Variants in TTC17 observed in about 807,000 individuals in gnomAD.
The protein encoded by TTC17 is tetratricopeptide repeat domain 17, also known as tetratricopeptide repeat protein 17.
In TTC17, 58 loss-of-function variants were observed where a neutral mutation model predicts 143.8. The observed-to-expected ratio is 0.40, with a 90% CI of 0.33 to 0.50. The LOEUF is 0.50. Ranked by LOEUF, TTC17 falls within the 20% of genes least tolerant of loss-of-function variation. The pLI, the probability that TTC17 is intolerant of heterozygous loss-of-function variation, is 0.49. For missense variants in TTC17, 1,273 were observed against 1,392.5 expected (o/e 0.91, Z 1.37); for synonymous variants, 501 against 497.8 (o/e 1.01, Z -0.09).
chr11:43,450,576 A>G (rs1005390803), intron 20 of TTC17, among the ~76,000 whole-genome samples: 1 of 152,244 alleles, frequency 6.6e-6, no homozygotes, highest in African/African-American at 2.4e-5. Flanking sequence ...GGGTAAGGAA[A>G]GCAGACCCAA....
At chr11:43,450,281 C>T (rs745485986) in intron 20 of TTC17, 40 bp downstream of exon 20, 3 of 1,589,272 alleles carry the variant, frequency 1.9e-6, no homozygotes, top group East Asian at 4.5e-5. Flanking sequence ...TTTAGCCTCA[C>T]AGTTAGGATG....
intron 18 of TTC17, chr11:43,446,333 A>T (rs574225934): frequency 6.2e-6 from 2 of 321,348 alleles, no homozygotes; most frequent in Admixed American, 1.1e-4. Context: ...CCTCTGTGCA[A>T]TTGTTCTATA....
intron 16 of TTC17, among the ~76,000 whole-genome samples, chr11:43,433,436 T>C (rs1947206631): frequency 6.6e-6 from 1 of 152,222 alleles, no homozygotes; most frequent in Admixed American, 6.5e-5. Flanking sequence ...ACTCTTTTTT[T>C]ATTCCTCCTG....
chr11:43,471,743 G>T lies in TTC17; in HGVS notation c.3031-18496G>T, dbSNP rs534234120. ...TAAAGTAATAATACGTATTTTCAGTGTGTAATAGGTTGAAGATGCAAGTTG... is the reference window on the plus strand; with the variant it reads ...TAAAGTAATAATACGTATTTTCAGTTTGTAATAGGTTGAAGATGCAAGTTG... On this transcript the variant is annotated intron_variant, in intron 21 of 23. Coordinates refer to ENST00000039989, the MANE Select transcript of TTC17 (RefSeq NM_018259.6). 2.5e-4 allele frequency among the ~76,000 whole-genome samples: 38 copies of T among 152,330 alleles called. No homozygotes were observed. The East Asian group carries it at 2.7e-3, about 11-fold the overall frequency.
chr11:43,394,647 G>A (rs1014757893), intron 5 of TTC17, among the ~76,000 whole-genome samples: 1 of 152,152 alleles, frequency 6.6e-6, no homozygotes, highest in Non-Finnish European at 1.5e-5. Flanking sequence ...GAAAATAAGA[G>A]TTCTATTTGG....
intron 2 of TTC17, among the ~76,000 whole-genome samples, chr11:43,388,199 G>A (rs1366913829): frequency 6.6e-6 from 1 of 151,946 alleles, no homozygotes; most frequent in Non-Finnish European, 1.5e-5. Context: ...ACAGGAAAAT[G>A]GATAAATACA....
chr11:43,459,147 C>T (rs1042947215), intron 21 of TTC17, among the ~76,000 whole-genome samples: 4 of 152,112 alleles, frequency 2.6e-5, no homozygotes. Flanking sequence ...TCCACCCCCG[C>T]ACATACAACC....
chr11:43,430,709 G>GCACACACACACACACACACACA (rs10658685), intron 16 of TTC17, among the ~76,000 whole-genome samples: 25 of 138,542 alleles, frequency 1.8e-4, no homozygotes, highest in Non-Finnish European at 2.5e-4. Flanking sequence ...CTACATACAC[G>GCACACACACACACACACACACA]CACACACACA....
rs778908942 is a variant in TTC17 at position 43,492,022 on chromosome 11, T to G, written c.3153T>G (p.Asp1051Glu). 6.2e-7 allele frequency: 1 copy of G among 1,613,564 alleles called. No individual in the cohort carries two copies. Among genetic ancestry groups the G allele is most frequent in the Non-Finnish European group, 8.5e-7 (1 of 1,179,792 alleles). ...ALHYAPHQMK[D>E]VPLISLANIL... is the part of the protein sequence containing the mutation. The stretch of plus-strand genomic sequence containing the variant: ...CACCATTCTCCTTCTTCTCCCAGGA[T>G]GTGCCCCTGATTAGCCTGGCCAACA... Residue 1051 changes from aspartate to glutamate, a missense_variant and splice_region_variant, in exon 23 of 24, where the codon GAT (aspartate) becomes GAG (glutamate). Asp to Glu is a conservative substitution (Grantham distance 45). This residue lies in a region of TTC17 where 878 missense variants were observed against 899.8 expected (regional missense o/e 0.98). Transcript: ENST00000039989.
chr11:43,429,273 G>A (rs1489782026), intron 16 of TTC17, among the ~76,000 whole-genome samples: 1 of 152,200 alleles, frequency 6.6e-6, no homozygotes, highest in African/African-American at 2.4e-5. Context: ...AATGTAAATT[G>A]ATTTGCCCAA....
chr11:43,398,254 G>A (rs1019716260), intron 8 of TTC17, 141 bp downstream of exon 8: 3 of 1,058,518 alleles, frequency 2.8e-6, no homozygotes, highest in East Asian at 2.7e-5. Context: ...TCCTTTTTCT[G>A]TAAGTCCTGG....
chr11:43,404,027 G>A lies in TTC17; in HGVS notation c.1362G>A (p.Met454Ile). 6.2e-7 allele frequency: 1 copy of A among 1,611,118 alleles called. No individual in the cohort carries two copies. The highest frequency in any genetic ancestry group is 1.1e-5 in the South Asian group (1 of 90,600). The change falls in exon 11 of 24, where the codon ATG becomes ATA. Residue 454 changes from methionine (M) to isoleucine (I), a missense_variant. This residue lies in a region of TTC17 where 878 missense variants were observed against 899.8 expected (regional missense o/e 0.98). Coordinates refer to ENST00000039989, the MANE Select transcript of TTC17 (RefSeq NM_018259.6). ...GTGAGGATTCATCAACCTCCAGTAT[G>A]ATGTCTGTGAACTTTGATGTTCAAT... ...QFGEDSSTSS[M>I]MSVNFDVQSN...
At chr11:43,473,899 A>G (rs983131431) in intron 21 of TTC17, among the ~76,000 whole-genome samples, 20 of 150,160 alleles carry the variant, frequency 1.3e-4, no homozygotes, top group Non-Finnish European at 1.8e-4. Flanking sequence ...AAAAAAAAAA[A>G]GAAAGAAAGA....
intron 21 of TTC17, among the ~76,000 whole-genome samples, chr11:43,461,086 G>T (rs935566229): frequency 6.6e-6 from 1 of 152,164 alleles, no homozygotes. Context: ...AAACAGAAAT[G>T]ATAAAAACTA....
chr11:43,438,047 T>C (rs748512784), intron 16 of TTC17, among the ~76,000 whole-genome samples: 10 of 152,240 alleles, frequency 6.6e-5, no homozygotes, highest in Non-Finnish European at 1.5e-4. Flanking sequence ...TTTTATGTCA[T>C]TGTTTATATG....
At chr11:43,406,050 C>G in intron 13 of TTC17, 99 bp downstream of exon 13, 1 of 1,338,064 alleles carries the variant, frequency 7.5e-7, no homozygotes, top group Non-Finnish European at 1.0e-6. Flanking sequence ...AGCTGTTGAG[C>G]TTTAAGTGTA....
chr11:43,490,447 A>C, intron 22 of TTC17, 89 bp downstream of exon 22: 3 of 1,451,026 alleles, frequency 2.1e-6, no homozygotes, highest in Non-Finnish European at 1.8e-6. Context: ...AGCCTCCCTC[A>C]TGCTCAGCCA....
intron 1 of TTC17, among the ~76,000 whole-genome samples, chr11:43,372,204 CTG>C (rs1481885423): frequency 6.6e-6 from 1 of 152,084 alleles, no homozygotes; most frequent in East Asian, 1.9e-4. Context: ...CTAGCAAAAA[CTG>C]TAAATTTACA....
intron 23 of TTC17, 133 bp from the exon 24 acceptor site, chr11:43,493,640 A>G (rs895880117): frequency 5.2e-6 from 7 of 1,358,028 alleles, no homozygotes; most frequent in Non-Finnish European, 7.1e-6. Flanking sequence ...TTTTCCACAA[A>G]GACTTAGATC....
Sources: gnomAD v4.1 joint callset for allele counts (sites outside exome capture counted in the v4.1 genomes callset) on GRCh38, gnomAD v4.1.1 for gene constraint, gnomAD v4.1.1 regional missense constraint, MANE v1.5 for transcripts, NCBI Gene and HGNC (gene_info 2026-07-23, HGNC 2026-07-21) for gene names.